Variants in IP6K1 observed in about 807,000 individuals in gnomAD.
IP6K1 encodes the protein ATP:1D-myo-inositol-hexakisphosphate phosphotransferase.
IP6K1 carries 13 observed loss-of-function variants against 38.3 expected under a neutral mutation model. That is an observed-to-expected ratio of 0.34 (90% confidence interval 0.22 to 0.54). The LOEUF is 0.54. Among genes scored for constraint, IP6K1 ranks in the 20% least tolerant of loss-of-function variants. The pLI is 0.92. For missense variants in IP6K1, 397 were observed against 599.8 expected (o/e 0.66, Z 3.53); for synonymous variants, 212 against 229.9 (o/e 0.92, Z 0.70).
intron 1 of IP6K1, 29 bp downstream of exon 1, chr3:49,786,325 G>C (rs1033720788): frequency 6.6e-6 from 1 of 152,300 alleles, no homozygotes; most frequent in Admixed American, 6.5e-5. Flanking sequence ...GCGTCAGGCC[G>C]GTCTATCGGC....
chr3:49,742,948 T>G (rs2080683409), intron 2 of IP6K1, among the ~76,000 whole-genome samples: 1 of 149,682 alleles, frequency 6.7e-6, no homozygotes, highest in African/African-American at 2.5e-5. Flanking sequence ...AAACACACAG[T>G]CCAGCCACGG....
intron 1 of IP6K1, among the ~76,000 whole-genome samples, chr3:49,770,400 A>C (rs2080946526): frequency 6.6e-6 from 1 of 152,182 alleles, no homozygotes; most frequent in Non-Finnish European, 1.5e-5. Flanking sequence ...AGAGACCAAA[A>C]TGTAAAAGCT....
intron 1 of IP6K1, among the ~76,000 whole-genome samples, chr3:49,765,992 T>C (rs2080908156): frequency 1.3e-5 from 2 of 151,454 alleles, no homozygotes; most frequent in South Asian, 2.1e-4. Flanking sequence ...CTGGCTAACA[T>C]GGTGAAAGCC....
chr3:49,733,582 G>C (rs1439696449), intron 3 of IP6K1, among the ~76,000 whole-genome samples: 1 of 152,168 alleles, frequency 6.6e-6, no homozygotes, highest in Non-Finnish European at 1.5e-5. Flanking sequence ...CAATAAAAAG[G>C]AATGAAATTC....
chr3:49,738,988 T>G (rs1012938148), intron 2 of IP6K1, among the ~76,000 whole-genome samples: 13 of 152,224 alleles, frequency 8.5e-5, no homozygotes, highest in African/African-American at 3.1e-4. Flanking sequence ...TTTGCCGTGC[T>G]GTATCCGTAA....
chr3:49,747,808 A>G lies in IP6K1; in HGVS notation c.223+10T>C. On this transcript the variant is annotated intron_variant, in intron 2 of 5. Transcript: ENST00000321599. ...GGCTGCTGCTTTCATTAAACTGGCC[A>G]GTGACTGACCTTTGTATTCAGGGGT... 6.2e-7 allele frequency: 1 copy of G among 1,614,122 alleles called. No individual in the cohort carries two copies. The highest frequency in any genetic ancestry group is 2.2e-5 in the East Asian group (1 of 44,888).
rs1385949722 is a variant in IP6K1 at position 49,747,805 on chromosome 3, G to A, written c.223+13C>T. 3 of 1,613,838 alleles carry A rather than the reference G, an allele frequency of 1.9e-6. No individual in the cohort carries two copies. Among genetic ancestry groups the A allele is most frequent in the Non-Finnish European group, 2.5e-6 (3 of 1,179,934 alleles). Reference sequence around the variant, plus strand: ...CAAGGCTGCTGCTTTCATTAAACTGGCCAGTGACTGACCTTTGTATTCAGG... The same window carrying A: ...CAAGGCTGCTGCTTTCATTAAACTGACCAGTGACTGACCTTTGTATTCAGG... On this transcript the variant is annotated intron_variant, in intron 2 of 5. Transcript: ENST00000321599.
intron 1 of IP6K1, among the ~76,000 whole-genome samples, chr3:49,749,830 CTTT>C (rs35363121): frequency 2.5e-4 from 27 of 109,606 alleles, no homozygotes; most frequent in Admixed American, 2.9e-4. Flanking sequence ...ACATACACTT[CTTT>C]TTTTTTTTTT....
intron 1 of IP6K1, among the ~76,000 whole-genome samples, chr3:49,766,335 C>A (rs1365773995): frequency 6.6e-6 from 1 of 151,788 alleles, no homozygotes; most frequent in Non-Finnish European, 1.5e-5. Flanking sequence ...CGCCACTGCA[C>A]TCCAGCCTGG....
intron 2 of IP6K1, among the ~76,000 whole-genome samples, chr3:49,745,845 C>A (rs2080716370): frequency 7.0e-6 from 1 of 143,170 alleles, no homozygotes; most frequent in Admixed American, 7.0e-5. Flanking sequence ...CAGAGCAAGA[C>A]TCTGTCTCAA....
chr3:49,727,158 G>C lies in IP6K1; in HGVS notation c.1290C>G (p.Ile430Met). The change falls in exon 6 of 6, where the codon ATC becomes ATG. Residue 430 changes from isoleucine (I) to methionine (M), a missense_variant. Around this residue, in one of 3 missense-constraint regions of IP6K1, gnomAD observed 164 missense variants for 213.5 expected, o/e 0.77. Transcript: ENST00000321599. This position sits in a 1 kb window ranked among gnomAD's most constrained non-coding sequence, Gnocchi z 5.9. ...CGTCCCGCATCTGTTCCATGATGCT[G>C]ATGAGGTTCTCCAGGCCAAACACGT... ...RGYVFGLENL[I>M]SIMEQMRDEN... 1 of 1,613,804 alleles carries C rather than the reference G, an allele frequency of 6.2e-7. No homozygotes were observed. The highest frequency in any genetic ancestry group is 1.3e-5 in the African/African-American group (1 of 75,060).
In IP6K1 at chr3:49,727,379, G is replaced by A. The variant is rs199742101; in HGVS notation, c.1069C>T (p.Arg357Cys). Reference sequence around the variant, plus strand: ...AGCACCATGTCCAGGTGCTTGAGACGCATCTCAGACCGGCGGTCCAGGCAG... The same window carrying A: ...AGCACCATGTCCAGGTGCTTGAGACACATCTCAGACCGGCGGTCCAGGCAG... ...ESCLDRRSEM[R>C]LKHLDMVLPE... Residue 357 changes from arginine to cysteine, a missense_variant, in exon 6 of 6, where the codon CGT becomes TGT. Transcript: ENST00000321599. The surrounding 1 kb of genome is among the most constrained non-coding windows in gnomAD (Gnocchi z 5.9). 12 of 1,614,060 alleles carry A rather than the reference G, an allele frequency of 7.4e-6. No individual in the cohort carries two copies. Among genetic ancestry groups the A allele is most frequent in the Admixed American group, 1.7e-5 (1 of 60,026 alleles).
chr3:49,774,830 C>T (rs991284561), intron 1 of IP6K1, among the ~76,000 whole-genome samples: 12 of 151,684 alleles, frequency 7.9e-5, no homozygotes, highest in African/African-American at 2.7e-4. Flanking sequence ...GTCACTGCAC[C>T]TAGACAAAAT....
In IP6K1 at chr3:49,727,428, A is replaced by G. The variant is rs776836913; in HGVS notation, c.1020T>C (p.Asp340=). 9.3e-6 allele frequency: 15 copies of G among 1,613,958 alleles called. No homozygotes were observed. The South Asian group carries it at 1.5e-4, about 17-fold the overall frequency. The change falls in exon 6 of 6, where the codon GAT becomes GAC. Residue 340 remains aspartate (D), a synonymous_variant. Coordinates refer to ENST00000321599, the MANE Select transcript of IP6K1 (RefSeq NM_153273.4). The surrounding 1 kb of genome is among the most constrained non-coding windows in gnomAD (Gnocchi z 5.9). ...FYSSSLLVIY[D]GKECRAESCL... ...AGGACTCAGCCCGGCACTCCTTGCC[A>G]TCATAGATGACAAGCAGGGAACTGG...
At chr3:49,747,281 G>C (rs2080728755) in intron 2 of IP6K1, among the ~76,000 whole-genome samples, 1 of 151,896 alleles carries the variant, frequency 6.6e-6, no homozygotes, top group South Asian at 2.1e-4. Context: ...GTTAATTCTG[G>C]TATAATTAAT....
intron 2 of IP6K1, among the ~76,000 whole-genome samples, chr3:49,744,157 C>A (rs2080699766): frequency 6.6e-6 from 1 of 151,294 alleles, no homozygotes; most frequent in African/African-American, 2.4e-5. Context: ...AATCCCAGCA[C>A]TTTGGGAGGC....
At chr3:49,749,300 T>A (rs921520947) in intron 1 of IP6K1, among the ~76,000 whole-genome samples, 1 of 151,800 alleles carries the variant, frequency 6.6e-6, no homozygotes, top group African/African-American at 2.4e-5. Context: ...TTATGACCAT[T>A]CCCTTTCTGT....
intron 3 of IP6K1, among the ~76,000 whole-genome samples, 163 bp from the exon 4 acceptor site, chr3:49,733,135 G>A (rs2080578816): frequency 1.3e-5 from 2 of 152,174 alleles, no homozygotes; most frequent in Admixed American, 6.5e-5. Flanking sequence ...AATGTTATGA[G>A]TAGTGTTCTT....
chr3:49,774,407 C>CAAAAAAAAA (rs777187857), intron 1 of IP6K1, among the ~76,000 whole-genome samples: 4 of 44,286 alleles, frequency 9.0e-5, no homozygotes, highest in Non-Finnish European at 1.9e-4. Context: ...GACTCCATCT[C>CAAAAAAAAA]AAAAAAAAAA....
Sources: allele counts gnomAD v4.1 joint callset (sites outside exome capture counted in the v4.1 genomes callset), GRCh38; gene constraint gnomAD v4.1.1; regional missense constraint gnomAD v4.1.1; non-coding constraint Gnocchi (gnomAD v3.1); transcripts MANE v1.5; gene names NCBI Gene and HGNC (gene_info 2026-07-23, HGNC 2026-07-21).